ITGA9: variants seen among roughly 807,000 people sequenced by gnomAD.
ITGA9 encodes the protein integrin alpha-9.
A neutral mutation model predicts 127.8 loss-of-function variants in ITGA9; 56 were observed. The observed-to-expected ratio is 0.44, with a 90% CI of 0.35 to 0.55. The LOEUF (loss-of-function observed/expected upper bound fraction) is 0.55. ITGA9 is among the 20% of genes least tolerant of loss of function. The probability of loss-of-function intolerance (pLI) is 0.00; values close to 1 mark genes in which losing one functional copy is unlikely to be tolerated. For missense variants in ITGA9, 1,196 were observed against 1,347.1 expected, an observed-to-expected ratio of 0.89 and a Z score of 1.76; for synonymous variants, 508 against 514.5, an observed-to-expected ratio of 0.99 and a Z score of 0.17.
At chr3:37,517,426 G>A in intron 9 of ITGA9, 78 bp from the exon 10 acceptor site, 1 of 1,151,508 alleles carries the variant, frequency 8.7e-7, no homozygotes, top group South Asian at 1.3e-5. Flanking sequence ...TTCAAACTCT[G>A]GTTTTTTATT....
chr3:37,729,706 T>C (rs1015630388), intron 18 of ITGA9, among the ~76,000 whole-genome samples: 10 of 143,990 alleles, frequency 6.9e-5, no homozygotes, highest in Admixed American at 1.4e-4. Flanking sequence ...ATTTCTTTTT[T>C]TTTTTTTTTT....
intron 15 of ITGA9, among the ~76,000 whole-genome samples, chr3:37,612,035 G>A (rs772070917): frequency 6.6e-6 from 1 of 152,050 alleles, no homozygotes; most frequent in Non-Finnish European, 1.5e-5. Context: ...CCCTGAACCT[G>A]TCATAAAATG....
intron 14 of ITGA9, among the ~76,000 whole-genome samples, chr3:37,538,345 C>T (rs747367742): frequency 3.3e-5 from 5 of 152,304 alleles, no homozygotes; most frequent in Middle Eastern, 6.8e-3. Flanking sequence ...GGGGGCTCCT[C>T]GGGAAGCAGC....
chr3:37,800,419 A>G (rs1055176192), intron 26 of ITGA9, among the ~76,000 whole-genome samples: 2 of 152,230 alleles, frequency 1.3e-5, no homozygotes, highest in East Asian at 1.9e-4. Flanking sequence ...CTACGGTTGC[A>G]CCAGGACCAG....
intron 1 of ITGA9, among the ~76,000 whole-genome samples, chr3:37,453,129 C>G (rs1156688118): frequency 5.8e-4 from 83 of 144,084 alleles, no homozygotes; most frequent in Non-Finnish European, 1.1e-3. Context: ...CCCCCCCCCC[C>G]CAGCTCCTAC....
intron 8 of ITGA9, among the ~76,000 whole-genome samples, chr3:37,513,420 G>A (rs956012606): frequency 6.6e-6 from 1 of 151,968 alleles, no homozygotes; most frequent in South Asian, 2.1e-4. Context: ...TCTGAGGGAT[G>A]TTTCTTTTTT....
chr3:37,577,147 C>A (rs947853404), intron 15 of ITGA9, among the ~76,000 whole-genome samples: 2 of 152,212 alleles, frequency 1.3e-5, no homozygotes, highest in African/African-American at 4.8e-5. Flanking sequence ...CCACAGAAGT[C>A]ATTTCCTTCC....
At chr3:37,684,097 T>C in intron 18 of ITGA9, 82 bp downstream of exon 18, 1 of 1,161,704 alleles carries the variant, frequency 8.6e-7, no homozygotes, top group Non-Finnish European at 1.3e-6. Context: ...GAATAGGCAA[T>C]GATTCTACAA....
At chr3:37,590,877 G>T (rs929427674) in intron 15 of ITGA9, among the ~76,000 whole-genome samples, 1 of 152,158 alleles carries the variant, frequency 6.6e-6, no homozygotes, top group Non-Finnish European at 1.5e-5. Flanking sequence ...TAGATGCAGG[G>T]CACCCTGCAG....
At chr3:37,718,334 G>A (rs1046512913) in intron 18 of ITGA9, among the ~76,000 whole-genome samples, 4 of 152,150 alleles carry the variant, frequency 2.6e-5, no homozygotes, top group African/African-American at 9.7e-5. Context: ...AGCCAGCCAT[G>A]GTCTGCAGAG....
At position 37,814,563 on chromosome 3, in the gene ITGA9, C is replaced by T. The variant is rs1168719030; in HGVS notation, c.3010-4328C>T. Among the ~76,000 whole-genome samples, 1 of 151,924 alleles carries T rather than the reference C, an allele frequency of 6.6e-6. No homozygotes were observed. On this transcript the variant is annotated intron_variant, in intron 27 of 27. Transcript: ENST00000264741. This position sits in a 1 kb window ranked among gnomAD's most constrained non-coding sequence, Gnocchi z 4.3. Reference sequence around the variant, plus strand: ...CTGGCAACAGAGCGAGACTCCATCCCCCACCCCCCCAAAAAAGAAACAATA... The same window carrying T: ...CTGGCAACAGAGCGAGACTCCATCCTCCACCCCCCCAAAAAAGAAACAATA...
chr3:37,698,278 T>C (rs919864735), intron 18 of ITGA9, among the ~76,000 whole-genome samples: 1 of 152,158 alleles, frequency 6.6e-6, no homozygotes, highest in South Asian at 2.1e-4. Context: ...TTCTCCCATT[T>C]TGTAGGTTGC....
chr3:37,728,200 G>A (rs958117579), intron 18 of ITGA9, among the ~76,000 whole-genome samples: 2 of 152,328 alleles, frequency 1.3e-5, no homozygotes, highest in African/African-American at 2.4e-5. Flanking sequence ...TCAGAGCACA[G>A]AAGAAGCCTG....
intron 23 of ITGA9, among the ~76,000 whole-genome samples, chr3:37,757,625 A>G (rs1453391589): frequency 1.3e-5 from 2 of 151,848 alleles, no homozygotes; most frequent in African/African-American, 2.4e-5. Flanking sequence ...TACTCAAGCC[A>G]GGATGACAGA....
At chr3:37,684,137 A>G (rs1700759447) in intron 18 of ITGA9, 122 bp downstream of exon 18, 1 of 915,138 alleles carries the variant, frequency 1.1e-6, no homozygotes, top group Non-Finnish European at 1.8e-6. Context: ...ACTATCATTT[A>G]GAATGATTAG....
chr3:37,525,764 T>C (rs1699086353), intron 12 of ITGA9, among the ~76,000 whole-genome samples: 1 of 152,216 alleles, frequency 6.6e-6, no homozygotes. Context: ...GTCTTTGAAA[T>C]GTGGTGTGTA....
intron 17 of ITGA9, among the ~76,000 whole-genome samples, chr3:37,665,244 G>A (rs1700575194): frequency 1.3e-5 from 2 of 152,016 alleles, no homozygotes; most frequent in South Asian, 4.2e-4. Context: ...CAAAGTGCTG[G>A]GATTACAGGT....
chr3:37,590,488 A>G (rs1022976892), intron 15 of ITGA9, among the ~76,000 whole-genome samples: 1 of 152,224 alleles, frequency 6.6e-6, no homozygotes, highest in Admixed American at 6.5e-5. Context: ...TTCACAGCTC[A>G]GTCCGAAGAC....
At chr3:37,453,086 T>TG (rs910225546) in intron 1 of ITGA9, among the ~76,000 whole-genome samples, 18 of 137,790 alleles carry the variant, frequency 1.3e-4, no homozygotes, top group African/African-American at 5.0e-4. Context: ...TGGGATCCAC[T>TG]GGGGCGCACT....
Sources: allele counts gnomAD v4.1 joint callset (sites outside exome capture counted in the v4.1 genomes callset), GRCh38; gene constraint gnomAD v4.1.1; non-coding constraint Gnocchi (gnomAD v3.1); transcripts MANE v1.5; gene names NCBI Gene and HGNC (gene_info 2026-07-23, HGNC 2026-07-21).